ACTR6: variants seen among roughly 807,000 people sequenced by gnomAD.
ACTR6 encodes the protein actin-related protein 6.
Under a neutral mutation model 52.5 loss-of-function variants are expected in ACTR6, and 50 were observed. The observed-to-expected ratio is 0.95, with a 90% confidence interval of 0.76 to 1.20. ACTR6 has a LOEUF of 1.20. Ranked by LOEUF, ACTR6 falls within the 50% of genes most tolerant of loss-of-function variation. The pLI, the probability that ACTR6 is intolerant of heterozygous loss-of-function variation, is 0.00. For missense variants in ACTR6, 344 were observed against 472.4 expected (o/e 0.73, Z 2.52); for synonymous variants, 135 against 147.2 (o/e 0.92, Z 0.60).
intron 3 of ACTR6, among the ~76,000 whole-genome samples, chr12:100,206,828 C>T (rs1469708276): frequency 6.8e-6 from 1 of 148,144 alleles, no homozygotes; most frequent in African/African-American, 2.5e-5. Flanking sequence ...GCCACCACAC[C>T]TGGCTCTTTT....
chr12:100,219,160 TAAAAAAAA>T lies in ACTR6; in HGVS notation c.922+586_922+593del, dbSNP rs563553340. Among the ~76,000 whole-genome samples the T allele has an allele frequency of 1.2e-4, 14 of 117,914 alleles. No individual in the cohort carries two copies. In the Admixed American group the frequency reaches 1.2e-3, roughly 10 times the overall value. 77.4% of individuals were successfully genotyped at this position (117,914 alleles called of 152,430 possible). On this transcript the variant is annotated intron_variant, in intron 9 of 10. Coordinates refer to ENST00000188312, the MANE Select transcript of ACTR6 (RefSeq NM_022496.5). ...CACAGGCCATGTGCTTTCCTCTCATTAAAAAAAAAAAAAAAAAAAGAAAAACATAATGC... is the reference window on the plus strand; with the variant it reads ...CACAGGCCATGTGCTTTCCTCTCATTAAAAAAAAAAAGAAAAACATAATGC...
chr12:100,216,826 T>TTGGGTTAAAAGTGATTTATAGTTTTC (rs540173504), intron 8 of ACTR6, among the ~76,000 whole-genome samples: 2,229 of 151,844 alleles, frequency 0.015, 64 homozygotes, highest in African/African-American at 0.051. Flanking sequence ...TAACAATATT[T>TTGGGTTAAAAGTGATTTATAGTTTTC]TGGGTTAAAA....
chr12:100,201,967 T>C (rs2096110125), intron 1 of ACTR6, among the ~76,000 whole-genome samples: 1 of 150,850 alleles, frequency 6.6e-6, no homozygotes, highest in South Asian at 2.1e-4. Context: ...AGTCTGGCTC[T>C]CTTGTCCAGG....
Position 100,212,336 on chromosome 12 carries a change from G to A in ACTR6, c.653G>A (p.Arg218Lys). The A allele has an allele frequency of 6.2e-7, 1 of 1,611,204 alleles. No homozygotes were observed. The highest frequency in any genetic ancestry group is 8.5e-7 in the Non-Finnish European group (1 of 1,178,116). The change falls in exon 7 of 11, where the codon AGA (arginine) becomes AAA (lysine). Residue 218 changes from arginine (R) to lysine (K), a missense_variant. Transcript: ENST00000188312. ...DVCYVSQDFY[R>K]DMDIAKLKGE... ...TGCTATGTGTCTCAGGATTTTTATA[G>A]AGACATGGATATTGCAAAGTATGTA...
chr12:100,210,899 A>G (rs1056037792), intron 6 of ACTR6, among the ~76,000 whole-genome samples: 2 of 151,918 alleles, frequency 1.3e-5, no homozygotes, highest in Non-Finnish European at 2.9e-5. Context: ...ACTCCTTTGT[A>G]TTTGCTCCCT....
At chr12:100,212,651 T>A (rs1042012911) in intron 8 of ACTR6, 123 bp downstream of exon 8, 5 of 628,116 alleles carry the variant, frequency 8.0e-6, no homozygotes, top group African/African-American at 1.9e-5. Context: ...CCTGTCTCTA[T>A]TATAAAATTA....
rs1014301162 is a variant in ACTR6 at position 100,218,364 on chromosome 12, C to T, written c.751-51C>T. 52 of 1,338,344 alleles carry T rather than the reference C, an allele frequency of 3.9e-5. No homozygotes were observed. The highest frequency in any genetic ancestry group is 4.9e-5 in the Non-Finnish European group (48 of 969,756). The allele number at this position is 1,338,344 out of a possible 1,614,324, so 82.9% of individuals were successfully genotyped here. On this transcript the variant is annotated intron_variant, in intron 8 of 10. Coordinates refer to ENST00000188312, the MANE Select transcript of ACTR6 (RefSeq NM_022496.5). This position sits in a 1 kb window ranked among gnomAD's most constrained non-coding sequence, Gnocchi z 4.2. ...TAATTGCATATTACTAATTATTAGT[C>T]ATGTGAGCTAGATAATATAACTTAA...
chr12:100,218,367 G>A lies in ACTR6; in HGVS notation c.751-48G>A. 1 of 1,392,306 alleles carries A rather than the reference G, an allele frequency of 7.2e-7. No individual in the cohort carries two copies. The highest frequency in any genetic ancestry group is 9.9e-7 in the Non-Finnish European group (1 of 1,012,632). 86.2% of individuals were successfully genotyped at this position (1,392,306 alleles called of 1,614,324 possible). On this transcript the variant is annotated intron_variant, in intron 8 of 10. Coordinates refer to ENST00000188312, the MANE Select transcript of ACTR6 (RefSeq NM_022496.5). This position sits in a 1 kb window ranked among gnomAD's most constrained non-coding sequence, Gnocchi z 4.2. ...TTGCATATTACTAATTATTAGTCAT[G>A]TGAGCTAGATAATATAACTTAAACT... is the stretch of plus-strand genomic sequence containing the variant.
Position 100,218,044 on chromosome 12 carries a change from T to C in ACTR6, c.751-371T>C, listed in dbSNP as rs143143490. The stretch of plus-strand genomic sequence containing the variant: ...TTTAAGAGACGGGGGTCTCGCTATG[T>C]TTCCCAGGCTGTCTTGAACTCCCGG... On this transcript the variant is annotated intron_variant, in intron 8 of 10. Coordinates refer to ENST00000188312, the MANE Select transcript of ACTR6 (RefSeq NM_022496.5). This position sits in a 1 kb window ranked among gnomAD's most constrained non-coding sequence, Gnocchi z 4.2. Among the ~76,000 whole-genome samples, 1,772 of 152,236 alleles carry C rather than the reference T, an allele frequency of 0.012. 40 individuals are homozygous for C. The highest frequency in any genetic ancestry group is 0.04 in the African/African-American group (1,681 of 41,536).
rs781642168 is a variant in ACTR6 at position 100,218,542 on chromosome 12, G to A, written c.878G>A (p.Gly293Glu). ...NPSDIGIQEM[G>E]IPEAIVYSIQ... ...TCTGATATAGGCATTCAAGAAATGG[G>A]AATTCCAGAAGCTATTGTCTATTCA... Residue 293 changes from glycine (G) to glutamate (E), a missense_variant, in exon 9 of 11, where the codon GGA (glycine) becomes GAA (glutamate). By Grantham distance (98) the Gly-to-Glu change is moderately conservative. Transcript: ENST00000188312. This position sits in a 1 kb window ranked among gnomAD's most constrained non-coding sequence, Gnocchi z 4.2. 5.1e-6 allele frequency: 8 copies of A among 1,575,076 alleles called. No individual in the cohort carries two copies. In the Admixed American group the frequency reaches 5.4e-5, roughly 11 times the overall value.
chr12:100,221,558 T>G (rs1282999544), intron 10 of ACTR6: 1 of 152,066 alleles, frequency 6.6e-6, no homozygotes, highest in African/African-American at 2.4e-5. Context: ...TCTACTGCTT[T>G]TATATATGTA....
In ACTR6 at chr12:100,218,419, G is replaced by T; in HGVS notation, c.755G>T (p.Arg252Met). ...TTAATCTTCTTTGTCTTTAAGCCAA[G>T]GGAAGAGATGGTGTTGAGTGGAAAA... ...STIKKGFCKPREEMVLSGKYK... is the reference protein window; with the variant it reads ...STIKKGFCKPMEEMVLSGKYK... Residue 252 changes from arginine (R) to methionine (M), a missense_variant, in exon 9 of 11, where the codon AGG becomes ATG. Physicochemically the swap from Arg to Met is moderately conservative, Grantham distance 91. Transcript: ENST00000188312. This position sits in a 1 kb window ranked among gnomAD's most constrained non-coding sequence, Gnocchi z 4.2. 6.2e-7 allele frequency: 1 copy of T among 1,607,594 alleles called. No individual in the cohort carries two copies. The highest frequency in any genetic ancestry group is 1.7e-5 in the Admixed American group (1 of 58,654).
chr12:100,201,553 CTTCTTT>C (rs2096109698), intron 1 of ACTR6, among the ~76,000 whole-genome samples: 1 of 152,178 alleles, frequency 6.6e-6, no homozygotes, highest in Non-Finnish European at 1.5e-5. Context: ...CCCTCCTTTC[CTTCTTT>C]TTCATTTCTT....
At chr12:100,219,722 A>C (rs2096126614) in intron 9 of ACTR6, among the ~76,000 whole-genome samples, 1 of 152,164 alleles carries the variant, frequency 6.6e-6, no homozygotes, top group South Asian at 2.1e-4. Context: ...TCATTTATAT[A>C]TGGCTTACAT....
intron 2 of ACTR6, 111 bp downstream of exon 2, chr12:100,205,168 T>A: frequency 3.0e-4 from 154 of 511,100 alleles, no homozygotes; most frequent in Middle Eastern, 1.6e-3. Flanking sequence ...ACAACCTAAT[T>A]AAACCCAAAT....
rs563139606 is a variant in ACTR6 at position 100,205,045 on chromosome 12, C to T, written c.174C>T (p.Leu58=). The T allele has an allele frequency of 6.4e-6, 10 of 1,570,834 alleles. No homozygotes were observed. The African/African-American group carries it at 8.1e-5, about 13-fold the overall frequency. Residue 58 remains leucine (L), a synonymous_variant, in exon 2 of 11, where the codon CTC becomes CTT. Coordinates refer to ENST00000188312, the MANE Select transcript of ACTR6 (RefSeq NM_022496.5). ...IKDPSGLFYI[L]PFQKGYLVNW... ...ACCCTTCTGGACTCTTTTACATCCT[C>T]CCTTTTCAAAAGGTAATCCAATTAA...
rs1261078455 is a variant in ACTR6 at position 100,200,912 on chromosome 12, A to G, written c.61A>G (p.Asn21Asp). ...CGCCAAAATCGGTTACAGCCATGAAAATGTGTCGTAAGTACTTTCTTTCTC... is the reference window on the plus strand; with the variant it reads ...CGCCAAAATCGGTTACAGCCATGAAGATGTGTCGTAAGTACTTTCTTTCTC... ...YNAKIGYSHE[N>D]VSVIPNCQFR... The change falls in exon 1 of 11, where the codon AAT becomes GAT. Residue 21 changes from asparagine (N) to aspartate (D), a missense_variant. Coordinates refer to ENST00000188312, the MANE Select transcript of ACTR6 (RefSeq NM_022496.5). The G allele has an allele frequency of 3.1e-6, 5 of 1,614,086 alleles. No homozygotes were observed. Among genetic ancestry groups the G allele is most frequent in the South Asian group, 2.2e-5 (2 of 91,086 alleles).
intron 4 of ACTR6, 96 bp from the exon 5 acceptor site, chr12:100,209,977 C>T (rs762319780): frequency 3.1e-5 from 33 of 1,053,950 alleles, no homozygotes; most frequent in Admixed American, 5.5e-5. Flanking sequence ...ATAAAGGGAA[C>T]ATTTTTGTCT....
rs1592849594 is a variant in ACTR6 at position 100,220,792 on chromosome 12, T to C, written c.1061+646T>C. Among the ~76,000 whole-genome samples, 6 of 152,104 alleles carry C rather than the reference T, an allele frequency of 3.9e-5. No individual in the cohort carries two copies. In the South Asian group the frequency reaches 1.0e-3, roughly 26 times the overall value. On this transcript the variant is annotated intron_variant, in intron 10 of 10. Transcript: ENST00000188312. ...GGCAGATCACTTGAGTTCAGGAGAT[T>C]GAGACCAGCCTGGGCAACATGGTGA...
Sources: gnomAD v4.1 joint callset for allele counts (sites outside exome capture counted in the v4.1 genomes callset) on GRCh38, gnomAD v4.1.1 for gene constraint, Gnocchi (gnomAD v3.1) non-coding constraint, MANE v1.5 for transcripts, NCBI Gene and HGNC (gene_info 2026-07-23, HGNC 2026-07-21) for gene names.